The following PCBP2 variants were observed in gnomAD, a reference collection of about 807,000 sequenced individuals.
The protein encoded by PCBP2 is poly(rC) binding protein 2.
PCBP2 carries 4 observed loss-of-function variants against 50.1 expected under a neutral mutation model. The observed-to-expected ratio is 0.08, with a 90% CI of 0.04 to 0.18. The LOEUF is 0.18. Ranked by LOEUF, PCBP2 falls within the 10% of genes least tolerant of loss-of-function variation. The pLI, the probability that PCBP2 is intolerant of heterozygous loss-of-function variation, is 1.00. For missense variants in PCBP2, 161 were observed against 474.3 expected (o/e 0.34, Z 6.14); for synonymous variants, 179 against 168.0 (o/e 1.07, Z -0.51).
intron 5 of PCBP2, among the ~76,000 whole-genome samples, chr12:53,457,962 CT>C (rs1941158486): frequency 6.6e-6 from 1 of 152,138 alleles, no homozygotes; most frequent in South Asian, 2.1e-4. Context: ...GAGTTTCCTC[CT>C]TGTCGCCCAG....
In PCBP2 at chr12:53,480,746, C is replaced by G. The variant is rs181128469; in HGVS notation, c.*1304C>G. 8.3e-4 allele frequency: 126 copies of G among 152,696 alleles called. No individual in the cohort carries two copies. Among genetic ancestry groups the G allele is most frequent in the Non-Finnish European group, 1.6e-3 (107 of 68,056 alleles). 9.5% of individuals were successfully genotyped at this position (152,696 alleles called of 1,614,324 possible). On this transcript the variant is annotated 3_prime_UTR_variant, in exon 15 of 15. Transcript: ENST00000546463. ...AGAAACCTCAGAGGGGAGGACCCAG[C>G]CTTAGCCTCCCTCCTCCCAAGTGCA... is the stretch of plus-strand genomic sequence containing the variant.
chr12:53,466,091 T>C, intron 10 of PCBP2, 118 bp downstream of exon 10: 1 of 843,842 alleles, frequency 1.2e-6, no homozygotes, highest in Non-Finnish European at 2.0e-6. Context: ...CAGTATTAAG[T>C]TGTTTTCTTC....
intron 1 of PCBP2, among the ~76,000 whole-genome samples, chr12:53,453,735 A>T (rs1269012233): frequency 1.3e-5 from 2 of 152,230 alleles, no homozygotes; most frequent in Non-Finnish European, 2.9e-5. Context: ...TGTTACGATT[A>T]GGTGCTAAAG....
intron 1 of PCBP2, chr12:53,452,761 G>T (rs1220600550): frequency 6.6e-6 from 1 of 152,094 alleles, no homozygotes; most frequent in Non-Finnish European, 1.5e-5. Context: ...GCAGCCACAC[G>T]GGGAGGCGCT....
intron 7 of PCBP2, among the ~76,000 whole-genome samples, chr12:53,461,800 A>G (rs1458328688): frequency 6.6e-6 from 1 of 151,982 alleles, no homozygotes; most frequent in Non-Finnish European, 1.5e-5. Context: ...ACCTCTGCCT[A>G]TCAGGCTTAA....
At chr12:53,463,324 A>T (rs779281251) in intron 8 of PCBP2, among the ~76,000 whole-genome samples, 12 of 152,212 alleles carry the variant, frequency 7.9e-5, no homozygotes, top group Non-Finnish European at 1.3e-4. Flanking sequence ...TGGTAGTCCT[A>T]TGCTCTGATT....
intron 13 of PCBP2, among the ~76,000 whole-genome samples, chr12:53,470,582 AT>A (rs887032789): frequency 6.0e-5 from 9 of 150,272 alleles, no homozygotes; most frequent in African/African-American, 2.2e-4. Flanking sequence ...CTTTTTTTGT[AT>A]TTTTTTTGTA....
chr12:53,474,738 A>G lies in PCBP2; in HGVS notation c.1052+2931A>G, dbSNP rs117674008. ...AGAAAGCTTGTCACAAGTTGACACT[A>G]GGTCTTCCTAATTGTCAACCAGAGG... On this transcript the variant is annotated intron_variant, in intron 14 of 14. Coordinates refer to ENST00000546463, the MANE Select transcript of PCBP2 (RefSeq NM_031989.5). 12 of 334,190 alleles carry G rather than the reference A, an allele frequency of 3.6e-5. No individual in the cohort carries two copies. In the East Asian group the frequency reaches 8.1e-4, roughly 22 times the overall value. The allele number at this position is 334,190 out of a possible 1,614,324, so 20.7% of individuals were successfully genotyped here.
intron 8 of PCBP2, among the ~76,000 whole-genome samples, chr12:53,463,219 CCT>C (rs1941576270): frequency 6.6e-6 from 1 of 152,174 alleles, no homozygotes; most frequent in African/African-American, 2.4e-5. Flanking sequence ...ACCACCGTGG[CCT>C]CTCTGCTCCT....
chr12:53,468,869 A>G (rs1216010155), intron 13 of PCBP2, 37 bp downstream of exon 13: 2 of 1,476,572 alleles, frequency 1.4e-6, no homozygotes, highest in Non-Finnish European at 1.9e-6. Flanking sequence ...GAAAATAAGA[A>G]AATAGACTGT....
rs1355702622 is a variant in PCBP2, at chr12:53,479,671, G to GTTTTTTTTTTTGTTTGT, written c.*240_*241insGTTTGTTTTTTTTTTTT. ...ATTTAGTTTTATAAGCTTCTCCCTG[G>GTTTTTTTTTTTGTTTGT]TTTTTTTTTTTTGGCTCATGAATTT... On this transcript the variant is annotated 3_prime_UTR_variant, in exon 15 of 15. Transcript: ENST00000546463. 5.0e-4 allele frequency: 103 copies of GTTTTTTTTTTTGTTTGT among 206,806 alleles called. 1 individual carries two copies. The highest frequency in any genetic ancestry group is 8.1e-4 in the Non-Finnish European group (88 of 108,876). The allele number at this position is 206,806 out of a possible 1,614,324, so 12.8% of individuals were successfully genotyped here.
At chr12:53,473,209 A>G (rs1942355454) in intron 14 of PCBP2, among the ~76,000 whole-genome samples, 1 of 150,850 alleles carries the variant, frequency 6.6e-6, no homozygotes, top group African/African-American at 2.4e-5. Flanking sequence ...TCAGCCTCCC[A>G]AGTAGCTGGG....
intron 8 of PCBP2, among the ~76,000 whole-genome samples, chr12:53,462,770 T>A (rs1280975308): frequency 6.6e-6 from 1 of 152,136 alleles, no homozygotes; most frequent in Non-Finnish European, 1.5e-5. Context: ...TTGTAGGCAC[T>A]CGGAAGAGGT....
At chr12:53,468,062 G>C (rs868049927) in intron 12 of PCBP2, 31 of 549,058 alleles carry the variant, frequency 5.6e-5, no homozygotes, top group Middle Eastern at 4.3e-4. Flanking sequence ...GCTGAGATCA[G>C]GACTAAGCTT....
At chr12:53,460,311 T>C (rs1474817701) in intron 6 of PCBP2, 1 of 320,042 alleles carries the variant, frequency 3.1e-6, no homozygotes, top group Admixed American at 4.1e-5. Context: ...GGCTAATTTT[T>C]CTTCTTTCTG....
rs545930789 is a variant in PCBP2, at chr12:53,469,986, TC to T, written c.882+1162del. Among the ~76,000 whole-genome samples, 270 of 151,128 alleles carry T rather than the reference TC, an allele frequency of 1.8e-3. 1 individual carries two copies. The highest frequency in any genetic ancestry group is 6.3e-3 in the African/African-American group (258 of 41,162). On this transcript the variant is annotated intron_variant, in intron 13 of 14. Coordinates refer to ENST00000546463, the MANE Select transcript of PCBP2 (RefSeq NM_031989.5). ...GTCTTGAACTCCTGACCTTACGTGATCCCCCCCCTTCAGCCTCCCAAAGCGT... is the reference window on the plus strand; with the variant it reads ...GTCTTGAACTCCTGACCTTACGTGATCCCCCCCTTCAGCCTCCCAAAGCGT...
intron 9 of PCBP2, 51 bp from the exon 10 acceptor site, chr12:53,465,881 G>A (rs1941785335): frequency 1.4e-6 from 2 of 1,455,806 alleles, no homozygotes; most frequent in Non-Finnish European, 1.9e-6. Flanking sequence ...CCCCCACTGG[G>A]TGGCTGTCCG....
chr12:53,478,915 A>G (rs1565877494), intron 14 of PCBP2, among the ~76,000 whole-genome samples: 1 of 152,040 alleles, frequency 6.6e-6, no homozygotes, highest in Admixed American at 6.5e-5. Context: ...ATAATACCCT[A>G]CACATTGATA....
chr12:53,455,795 T>C, intron 4 of PCBP2, 90 bp from the exon 5 acceptor site: 3 of 865,044 alleles, frequency 3.5e-6, no homozygotes, highest in East Asian at 4.8e-5. Context: ...CAGGATCATG[T>C]ACATTGGCAG....
Sources: gnomAD v4.1 joint callset for allele counts (sites outside exome capture counted in the v4.1 genomes callset) on GRCh38, gnomAD v4.1.1 for gene constraint, MANE v1.5 for transcripts, NCBI Gene and HGNC (gene_info 2026-07-23, HGNC 2026-07-21) for gene names.